ROR2: variants seen among roughly 807,000 people sequenced by gnomAD.
ROR2 encodes the protein ROR family WNT receptor 2.
In ROR2, 33 loss-of-function variants were observed where a neutral mutation model predicts 74.9. That is an observed-to-expected ratio of 0.44 (90% CI 0.33 to 0.59). ROR2 has a LOEUF of 0.59. ROR2 is among the 20% of genes least tolerant of loss of function. The pLI is 0.02. For synonymous variants in ROR2, 586 were observed against 558.7 expected (o/e 1.05, Z -0.69); for missense variants, 1,216 against 1,313.8 (o/e 0.93, Z 1.15).
rs117747660 is a variant in ROR2, at chr9:91,856,299, G to C, written c.98-80481C>G. On this transcript the variant is annotated intron_variant, in intron 1 of 8. Coordinates refer to ENST00000375708, the MANE Select transcript of ROR2 (RefSeq NM_004560.4). ...TAGCCCAGCAGGTGGAGGCTTCAGT[G>C]AGCTGTGGTTGCACCACTGCACTCT... 6.4e-3 allele frequency among the ~76,000 whole-genome samples: 977 copies of C among 152,366 alleles called. 4 individuals carry two copies. Among genetic ancestry groups the C allele is most frequent in the Non-Finnish European group, 0.011 (730 of 68,036 alleles).
chr9:91,732,372 G>A (rs1837272549), intron 6 of ROR2, among the ~76,000 whole-genome samples: 1 of 152,180 alleles, frequency 6.6e-6, no homozygotes, highest in South Asian at 2.1e-4. Context: ...GGCAGGGGCT[G>A]CTGCCAGCAA....
chr9:91,761,208 C>G (rs1825904947), intron 2 of ROR2, among the ~76,000 whole-genome samples: 1 of 152,196 alleles, frequency 6.6e-6, no homozygotes, highest in South Asian at 2.1e-4. Context: ...ACCCAACAGT[C>G]CCATAGACCA....
rs138441032 is a variant in ROR2, at chr9:91,837,825, T to C, written c.98-62007A>G. Among the ~76,000 whole-genome samples the C allele has an allele frequency of 2.4e-3, 368 of 152,354 alleles. 1 individual carries two copies. Among genetic ancestry groups the C allele is most frequent in the African/African-American group, 8.3e-3 (344 of 41,582 alleles). ...TTAATCACTGTTGTAGGTTTTTTAA[T>C]TTTAAGCTATAAGGTAGAAGTAAAA... On this transcript the variant is annotated intron_variant, in intron 1 of 8. Transcript: ENST00000375708.
chr9:91,905,987 C>T lies in ROR2; in HGVS notation c.97+43880G>A, dbSNP rs2119441890. On this transcript the variant is annotated intron_variant, in intron 1 of 8. Transcript: ENST00000375708. This position sits in a 1 kb window ranked among gnomAD's most constrained non-coding sequence, Gnocchi z 5.3. ...TATTATTAATGAAGAAGCAAAAACA[C>T]CCCTTAAAGAGAATTCTTTGAAAAA... Among the ~76,000 whole-genome samples, 1 of 134,686 alleles carries T rather than the reference C, an allele frequency of 7.4e-6. No homozygotes were observed. Among genetic ancestry groups the T allele is most frequent in the Non-Finnish European group, 1.5e-5 (1 of 64,566 alleles). The allele number at this position is 134,686 out of a possible 152,430, so 88.4% of individuals were successfully genotyped here. A position where few individuals can be genotyped will look rare whatever the true frequency, so the allele number is the denominator to read the frequency against.
chr9:91,794,727 A>C (rs1827113889), intron 1 of ROR2, among the ~76,000 whole-genome samples: 2 of 152,146 alleles, frequency 1.3e-5, no homozygotes, highest in Admixed American at 1.3e-4. Flanking sequence ...TTAAAAAAAA[A>C]ACTAGTTTAA....
At chr9:91,850,412 AC>A (rs148943824) in intron 1 of ROR2, among the ~76,000 whole-genome samples, 38,399 of 151,994 alleles carry the variant, frequency 0.25, 5,260 homozygotes, top group Admixed American at 0.42. Flanking sequence ...TGAAGAGACG[AC>A]CCTGGACAAT....
At chr9:91,790,512 T>TAA (rs60624626) in intron 1 of ROR2, among the ~76,000 whole-genome samples, 4,716 of 137,460 alleles carry the variant, frequency 0.034, 134 homozygotes, top group East Asian at 0.17. Flanking sequence ...CCGTCTCAAT[T>TAA]AAAAAAAAAA....
rs115680975 is a variant in ROR2, at chr9:91,908,315, T to C, written c.97+41552A>G. Among the ~76,000 whole-genome samples the C allele has an allele frequency of 2.9e-3, 444 of 152,354 alleles. 3 individuals carry two copies. The highest frequency in any genetic ancestry group is 0.01 in the African/African-American group (418 of 41,576). On this transcript the variant is annotated intron_variant, in intron 1 of 8. Transcript: ENST00000375708. ...CAGCTTGAGATGTTTTAGTAGCAAC[T>C]GACAGAAAACATCAATCAGAACATC...
At position 91,885,010 on chromosome 9, in the gene ROR2, G is replaced by A. The variant is rs151308511; in HGVS notation, c.97+64857C>T. The stretch of plus-strand genomic sequence containing the variant: ...CAAAGCCTTAAGAACTTAAAGCCTC[G>A]CGAACTTAAAGAGCTAACAAGCCTG... On this transcript the variant is annotated intron_variant, in intron 1 of 8. Coordinates refer to ENST00000375708, the MANE Select transcript of ROR2 (RefSeq NM_004560.4). Among the ~76,000 whole-genome samples, 520 of 152,108 alleles carry A rather than the reference G, an allele frequency of 3.4e-3. 4 individuals carry two copies. Among genetic ancestry groups the A allele is most frequent in the African/African-American group, 0.012 (486 of 41,468 alleles).
chr9:91,935,644 C>T (rs923745812), intron 1 of ROR2, among the ~76,000 whole-genome samples: 1 of 152,218 alleles, frequency 6.6e-6, no homozygotes, highest in African/African-American at 2.4e-5. Flanking sequence ...CAGCACTAGG[C>T]GCCTGGCATC....
At chr9:91,897,357 G>A (rs1478195495) in intron 1 of ROR2, among the ~76,000 whole-genome samples, 1 of 152,256 alleles carries the variant, frequency 6.6e-6, no homozygotes, top group Admixed American at 6.5e-5. Context: ...CTTGTACAGA[G>A]GAAAGAAGGT....
chr9:91,934,868 C>T (rs959458574), intron 1 of ROR2, among the ~76,000 whole-genome samples: 2 of 152,080 alleles, frequency 1.3e-5, no homozygotes, highest in African/African-American at 2.4e-5. Context: ...AATGGAGTTT[C>T]CTTCTTTCAA....
intron 1 of ROR2, among the ~76,000 whole-genome samples, chr9:91,909,955 G>A (rs184002133): frequency 1.2e-3 from 167 of 138,822 alleles, no homozygotes; most frequent in African/African-American, 3.9e-3. Context: ...TCCGCCTCCC[G>A]GGTTCAAGTG....
At chr9:91,881,082 G>C (rs909700948) in intron 1 of ROR2, among the ~76,000 whole-genome samples, 1 of 152,184 alleles carries the variant, frequency 6.6e-6, no homozygotes, top group African/African-American at 2.4e-5. Flanking sequence ...TGGCTAGAGG[G>C]GGGAGAAGGA....
At chr9:91,928,295 C>T (rs1831462759) in intron 1 of ROR2, among the ~76,000 whole-genome samples, 1 of 152,188 alleles carries the variant, frequency 6.6e-6, no homozygotes, top group Admixed American at 6.5e-5. Context: ...CCTCACTGCC[C>T]CTCTGCCTCC....
chr9:91,892,358 C>T (rs949380490), intron 1 of ROR2, among the ~76,000 whole-genome samples: 8 of 152,178 alleles, frequency 5.3e-5, no homozygotes, highest in African/African-American at 1.9e-4. Context: ...GGGACAGAAC[C>T]CCAGTTCCTG....
rs1461949665 is a variant in ROR2, at chr9:91,760,308, T to A, written c.176-2749A>T. 2.0e-5 allele frequency among the ~76,000 whole-genome samples: 3 copies of A among 152,226 alleles called. No individual in the cohort carries two copies. In the South Asian group the frequency reaches 6.2e-4, roughly 31 times the overall value. On this transcript the variant is annotated intron_variant, in intron 2 of 8. Coordinates refer to ENST00000375708, the MANE Select transcript of ROR2 (RefSeq NM_004560.4). ...TGTGGCAACATCACATTTGTTAAAT[T>A]ATGATGACTGAAGTACGTTTGGACA...
At chr9:91,934,752 GCAA>G (rs890199879) in intron 1 of ROR2, among the ~76,000 whole-genome samples, 8 of 152,050 alleles carry the variant, frequency 5.3e-5, no homozygotes, top group East Asian at 1.9e-4. Context: ...TTAGAAAACA[GCAA>G]CAACAACAAA....
At chr9:91,827,256 T>C (rs951314587) in intron 1 of ROR2, among the ~76,000 whole-genome samples, 2 of 152,192 alleles carry the variant, frequency 1.3e-5, no homozygotes, top group East Asian at 1.9e-4. Context: ...CATTATATTA[T>C]AAAAATTTTC....
Sources: allele counts gnomAD v4.1 joint callset (sites outside exome capture counted in the v4.1 genomes callset), GRCh38; gene constraint gnomAD v4.1.1; non-coding constraint Gnocchi (gnomAD v3.1); transcripts MANE v1.5; gene names NCBI Gene and HGNC (gene_info 2026-07-23, HGNC 2026-07-21).